MPP7: variants seen among roughly 807,000 people sequenced by gnomAD.
The protein encoded by MPP7 is MAGUK p55 scaffold protein 7, also known as MAGUK p55 subfamily member 7.
MPP7 carries 60 observed loss-of-function variants against 76.5 expected under a neutral mutation model. The ratio of observed to expected loss-of-function variants is 0.78; its 90% confidence interval spans 0.64 to 0.97. The LOEUF (loss-of-function observed/expected upper bound fraction) is 0.97. MPP7 is among the 50% of genes least tolerant of loss of function. MPP7 has a pLI of 0.00. For missense variants in MPP7, 641 were observed against 694.0 expected, an observed-to-expected ratio of 0.92 and a Z score of 0.86; for synonymous variants, 237 against 244.5, an observed-to-expected ratio of 0.97 and a Z score of 0.29.
At chr10:28,115,585 GAA>G (rs1834642122) in intron 11 of MPP7, among the ~76,000 whole-genome samples, 2 of 152,198 alleles carry the variant, frequency 1.3e-5, no homozygotes, top group Non-Finnish European at 2.9e-5. Context: ...AATCCAGGAA[GAA>G]GAAGCTTACT....
intron 5 of MPP7, among the ~76,000 whole-genome samples, chr10:28,134,740 A>G (rs1174719022): frequency 6.6e-6 from 1 of 152,174 alleles, no homozygotes. Flanking sequence ...ACATCACAGC[A>G]GAAATACAAA....
chr10:28,219,913 T>C (rs1838442844), intron 2 of MPP7, among the ~76,000 whole-genome samples: 1 of 152,176 alleles, frequency 6.6e-6, no homozygotes, highest in Non-Finnish European at 1.5e-5. Flanking sequence ...ATTTAAAGTA[T>C]GTTTTATTTC....
At chr10:28,275,153 A>T (rs1840452657) in intron 1 of MPP7, among the ~76,000 whole-genome samples, 1 of 152,192 alleles carries the variant, frequency 6.6e-6, no homozygotes, top group Non-Finnish European at 1.5e-5. Context: ...TCTGTCCCTA[A>T]GCTAGACCCA....
chr10:28,324,905 T>C (rs1385868954), intron 2 of MPP7, among the ~76,000 whole-genome samples: 1 of 152,214 alleles, frequency 6.6e-6, no homozygotes, highest in East Asian at 1.9e-4. Flanking sequence ...TGCCTAAGTC[T>C]ATAAGTGATA....
chr10:28,241,874 T>C (rs1839281486), intron 1 of MPP7, among the ~76,000 whole-genome samples: 1 of 152,208 alleles, frequency 6.6e-6, no homozygotes, highest in Admixed American at 6.5e-5. Context: ...ATCAGGTTCC[T>C]CTGGCACTGA....
chr10:28,259,568 C>CAG (rs1839885893), intron 1 of MPP7, among the ~76,000 whole-genome samples: 2 of 137,022 alleles, frequency 1.5e-5, no homozygotes, highest in African/African-American at 5.6e-5. Flanking sequence ...GCCTGGGTGA[C>CAG]AGAGAGAGAC....
intron 12 of MPP7, among the ~76,000 whole-genome samples, chr10:28,084,768 T>C (rs953595340): frequency 6.6e-6 from 1 of 152,036 alleles, no homozygotes; most frequent in African/African-American, 2.4e-5. Flanking sequence ...GTGAACAAAT[T>C]TGAGAGGGAA....
intron 3 of MPP7, among the ~76,000 whole-genome samples, chr10:28,189,852 T>A (rs757181912): frequency 7.2e-5 from 11 of 152,030 alleles, no homozygotes; most frequent in Admixed American, 2.6e-4. Context: ...ATGTGAATGA[T>A]CTAAATATAC....
At chr10:28,329,421 G>A (rs1466570699) in intron 2 of MPP7, among the ~76,000 whole-genome samples, 1 of 151,998 alleles carries the variant, frequency 6.6e-6, no homozygotes. Context: ...GAGGTCAGGA[G>A]ATGGAAACCA....
At chr10:28,194,749 G>A (rs1048301669) in intron 3 of MPP7, among the ~76,000 whole-genome samples, 1 of 152,124 alleles carries the variant, frequency 6.6e-6, no homozygotes, top group East Asian at 1.9e-4. Flanking sequence ...TGGGAGATTT[G>A]GAAACGTAAA....
chr10:28,054,373 TA>T, intron 16 of MPP7, 129 bp from the exon 17 acceptor site: 1 of 590,134 alleles, frequency 1.7e-6, no homozygotes, highest in African/African-American at 1.9e-5. Context: ...CAGCCAGAAA[TA>T]AAAGTCATCC....
intron 1 of MPP7, among the ~76,000 whole-genome samples, chr10:28,302,288 A>G (rs1841175882): frequency 6.6e-6 from 1 of 152,158 alleles, no homozygotes; most frequent in Non-Finnish European, 1.5e-5. Flanking sequence ...CTTAAGAAAA[A>G]GCCCCCAAAT....
intron 2 of MPP7, among the ~76,000 whole-genome samples, chr10:28,308,886 A>C (rs1329910926): frequency 6.6e-6 from 1 of 151,052 alleles, no homozygotes; most frequent in Non-Finnish European, 1.5e-5. Flanking sequence ...GAATCTGTAA[A>C]AACTGCTCTT....
At chr10:28,097,892 A>G (rs560694452) in intron 11 of MPP7, among the ~76,000 whole-genome samples, 1 of 152,310 alleles carries the variant, frequency 6.6e-6, no homozygotes, top group South Asian at 2.1e-4. Context: ...ACAATGCAGG[A>G]CCATGACTAG....
chr10:28,192,456 T>G (rs1268897477), intron 3 of MPP7, among the ~76,000 whole-genome samples: 1 of 152,196 alleles, frequency 6.6e-6, no homozygotes, highest in Non-Finnish European at 1.5e-5. Flanking sequence ...AATCAATTGC[T>G]TTCCTGTATA....
intron 12 of MPP7, among the ~76,000 whole-genome samples, chr10:28,075,208 C>T (rs1260036192): frequency 6.6e-6 from 1 of 152,108 alleles, no homozygotes; most frequent in African/African-American, 2.4e-5. Flanking sequence ...AATCTAATCG[C>T]TTCCCACCAG....
chr10:28,318,404 G>T (rs1359945161), intron 2 of MPP7, among the ~76,000 whole-genome samples: 1 of 152,072 alleles, frequency 6.6e-6, no homozygotes, highest in African/African-American at 2.4e-5. Context: ...AAGCAATAGG[G>T]GTCAGGCATG....
chr10:28,154,149 A>G (rs1835971705), intron 3 of MPP7, among the ~76,000 whole-genome samples: 1 of 152,202 alleles, frequency 6.6e-6, no homozygotes, highest in African/African-American at 2.4e-5. Flanking sequence ...ATCCTAAGCC[A>G]TGGACCAACA....
chr10:28,176,943 GTGCAGCACACCAACATGGCACA>G (rs1836883835), intron 3 of MPP7, among the ~76,000 whole-genome samples: 1 of 149,674 alleles, frequency 6.7e-6, no homozygotes, highest in South Asian at 2.1e-4. Flanking sequence ...GAGTTAATGG[GTGCAGCACACCAACATGGCACA>G]TGTATACATA....
Sources: gnomAD v4.1 joint callset for allele counts (sites outside exome capture counted in the v4.1 genomes callset) on GRCh38, gnomAD v4.1.1 for gene constraint, MANE v1.5 for transcripts, NCBI Gene and HGNC (gene_info 2026-07-23, HGNC 2026-07-21) for gene names.